Variants in CAST observed in about 807,000 individuals in gnomAD.
CAST encodes calpastatin, also known as MIR583 host.
Under a neutral mutation model 119.6 loss-of-function variants are expected in CAST, and 76 were observed. The ratio of observed to expected loss-of-function variants is 0.64; its 90% CI spans 0.53 to 0.77. The LOEUF (loss-of-function observed/expected upper bound fraction) is 0.77. Among genes scored for constraint, CAST ranks in the 30% least tolerant of loss-of-function variants. The pLI is 0.00. For synonymous variants in CAST, 319 were observed against 331.6 expected, an observed-to-expected ratio of 0.96 and a Z score of 0.41; for missense variants, 953 against 946.5, an observed-to-expected ratio of 1.01 and a Z score of -0.09.
the CAST span, among the ~76,000 whole-genome samples, chr5:96,230,594 T>C: frequency 4.6e-5 from 7 of 152,172 alleles, no homozygotes; most frequent in African/African-American, 1.7e-4. Context: ...TAGGCAATGA[T>C]TTCTTCGATA....
At position 96,727,520 on chromosome 5, in the gene CAST, A is replaced by C; in HGVS notation, c.368A>C (p.Gln123Pro). Reference protein sequence around the residue: ...AVKTEPEKKSQSTKLSVVHEK... With the variant: ...AVKTEPEKKSPSTKLSVVHEK... ...AAAACAGAACCTGAGAAGAAGTCAC[A>C]GTCAACCAAGGTAAATAGTTTAAGT... The change falls in exon 6 of 32, where the codon CAG (glutamine) becomes CCG (proline). Residue 123 changes from glutamine (Q) to proline (P), a missense_variant. Transcript: ENST00000675179. 1 of 1,563,646 alleles carries C rather than the reference A, an allele frequency of 6.4e-7. No individual in the cohort carries two copies. Among genetic ancestry groups the C allele is most frequent in the Non-Finnish European group, 8.7e-7 (1 of 1,148,464 alleles).
chr5:96,110,935 C>T, the CAST span: 5 of 152,150 alleles, frequency 3.3e-5, no homozygotes, highest in African/African-American at 9.7e-5. Context: ...ATTTTCTAGA[C>T]CAAGAAATTC....
chr5:96,425,146 T>C, the CAST span, among the ~76,000 whole-genome samples: 1 of 152,192 alleles, frequency 6.6e-6, no homozygotes, highest in Non-Finnish European at 1.5e-5. Flanking sequence ...TCTTAGCTTG[T>C]GTTTTTCAAG....
the CAST span, among the ~76,000 whole-genome samples, chr5:96,376,987 G>A: frequency 3.3e-5 from 5 of 151,798 alleles, no homozygotes; most frequent in South Asian, 2.1e-4. Context: ...GTGTGTTTGT[G>A]TACTATTTTT....
intron 1 of CAST, among the ~76,000 whole-genome samples, chr5:96,627,385 A>G (rs1747744084): frequency 6.6e-6 from 1 of 152,208 alleles, no homozygotes; most frequent in African/African-American, 2.4e-5. Flanking sequence ...TATTTAAAAG[A>G]CCTTTTATGT....
At chr5:96,508,002 T>C in the CAST span, among the ~76,000 whole-genome samples, 1 of 66,038 alleles carries the variant, frequency 1.5e-5, no homozygotes. Flanking sequence ...TTATTATTAT[T>C]ATTATTATTA....
the CAST span, among the ~76,000 whole-genome samples, chr5:96,431,004 A>T: frequency 8.6e-3 from 1,309 of 152,222 alleles, 21 homozygotes; most frequent in African/African-American, 0.03. Context: ...AAGAAGAGAG[A>T]TTTAGTTTTT....
At chr5:96,118,406 A>C in the CAST span, among the ~76,000 whole-genome samples, 1 of 152,154 alleles carries the variant, frequency 6.6e-6, no homozygotes, top group African/African-American at 2.4e-5. Context: ...AAAGGAAATG[A>C]TTCTACAGAT....
the CAST span, among the ~76,000 whole-genome samples, chr5:96,420,534 A>T: frequency 1.3e-5 from 2 of 152,280 alleles, no homozygotes; most frequent in East Asian, 3.9e-4. Flanking sequence ...TACGGAAAGA[A>T]GTCATATCCC....
the CAST span, among the ~76,000 whole-genome samples, chr5:96,268,500 T>C: frequency 2.0e-5 from 3 of 152,102 alleles, no homozygotes; most frequent in Non-Finnish European, 4.4e-5. Context: ...ATCCCTTGAA[T>C]CCATGAATTT....
the CAST span, among the ~76,000 whole-genome samples, chr5:96,150,655 G>C: frequency 6.6e-6 from 1 of 152,142 alleles, no homozygotes; most frequent in Admixed American, 6.5e-5. Context: ...GAGCAGACTG[G>C]GTCATCTTGG....
the CAST span, among the ~76,000 whole-genome samples, chr5:96,233,200 AAGACCCC>A: frequency 6.6e-6 from 1 of 152,118 alleles, no homozygotes; most frequent in Non-Finnish European, 1.5e-5. Flanking sequence ...ATAAAATGTA[AAGACCCC>A]AAAATACTAT....
the CAST span, among the ~76,000 whole-genome samples, chr5:96,435,455 A>G: frequency 2.0e-5 from 3 of 152,228 alleles, no homozygotes; most frequent in Non-Finnish European, 2.9e-5. Flanking sequence ...TCTGGCATGC[A>G]GAAGAAATAA....
chr5:96,298,876 G>GAT, the CAST span, among the ~76,000 whole-genome samples: 1 of 80,322 alleles, frequency 1.2e-5, no homozygotes, highest in East Asian at 2.9e-4. Context: ...CCTAAATTAG[G>GAT]AGAGTGTGTG....
chr5:96,680,321 C>T (rs1465100374), intron 2 of CAST, among the ~76,000 whole-genome samples: 20 of 131,702 alleles, frequency 1.5e-4, no homozygotes, highest in Non-Finnish European at 2.8e-4. Context: ...CACCACTGCA[C>T]TCCAGCCTGG....
intron 1 of CAST, among the ~76,000 whole-genome samples, chr5:96,627,728 G>A (rs1181818002): frequency 6.6e-6 from 1 of 152,234 alleles, no homozygotes; most frequent in Non-Finnish European, 1.5e-5. Flanking sequence ...GATTTATGAG[G>A]AGGAAGATGA....
chr5:96,696,391 G>A (rs7702304), intron 3 of CAST: 21,287 of 152,122 alleles, frequency 0.14, 1,785 homozygotes, highest in Admixed American at 0.26. Context: ...AGCTCACAAC[G>A]CCAGTAAGAT....
chr5:96,722,028 C>T lies in CAST; in HGVS notation c.211-611C>T, dbSNP rs374701622. Among the ~76,000 whole-genome samples, 12 of 152,312 alleles carry T rather than the reference C, an allele frequency of 7.9e-5. No individual in the cohort carries two copies. In the East Asian group the frequency reaches 1.2e-3, roughly 15 times the overall value. On this transcript the variant is annotated intron_variant, in intron 3 of 31. Coordinates refer to ENST00000675179, the MANE Select transcript of CAST (RefSeq NM_001750.7). ...GTTCACATCCACCCAAGTCTATTTACGGGAGTTTTGTCCTTCTATCTTATG... is the reference window on the plus strand; with the variant it reads ...GTTCACATCCACCCAAGTCTATTTATGGGAGTTTTGTCCTTCTATCTTATG...
At chr5:96,248,407 A>G in the CAST span, among the ~76,000 whole-genome samples, 1 of 152,198 alleles carries the variant, frequency 6.6e-6, no homozygotes, top group Non-Finnish European at 1.5e-5. Context: ...CCAAAGGGAG[A>G]TGAAACGTGT....
Sources: allele counts gnomAD v4.1 joint callset (sites outside exome capture counted in the v4.1 genomes callset), GRCh38; gene constraint gnomAD v4.1.1; transcripts MANE v1.5; gene names NCBI Gene and HGNC (gene_info 2026-07-23, HGNC 2026-07-21).